The following ITGAV variants were observed in gnomAD, a reference collection of about 807,000 sequenced individuals.
ITGAV encodes integrin subunit alpha V.
ITGAV carries 76 observed loss-of-function variants against 143.8 expected under a neutral mutation model. The observed-to-expected ratio is 0.53, with a 90% CI of 0.44 to 0.64. The LOEUF (loss-of-function observed/expected upper bound fraction) is 0.64. Among genes scored for constraint, ITGAV ranks in the 30% least tolerant of loss-of-function variants. The probability of loss-of-function intolerance (pLI) is 0.00; values close to 1 mark genes in which losing one functional copy is unlikely to be tolerated. For missense variants in ITGAV, 1,193 were observed against 1,274.7 expected (o/e 0.94, Z 0.98); for synonymous variants, 453 against 446.7 (o/e 1.01, Z -0.18).
intron 10 of ITGAV, among the ~76,000 whole-genome samples, chr2:186,639,461 G>A (rs371904265): frequency 6.6e-6 from 1 of 152,118 alleles, no homozygotes; most frequent in African/African-American, 2.4e-5. Context: ...TAGGGTTGCT[G>A]CAGGGGTGGT....
Position 186,622,411 on chromosome 2 carries a change from C to T in ITGAV, c.389C>T (p.Ser130Leu), listed in dbSNP as rs770245126. Residue 130 changes from serine (S) to leucine (L), a missense_variant, in exon 3 of 30, where the codon TCG becomes TTG. Ser to Leu is a moderately radical substitution (Grantham distance 145). Transcript: ENST00000261023. ...SHQWFGASVRSKQDKILACAP... is the reference protein window; with the variant it reads ...SHQWFGASVRLKQDKILACAP... ...CAGTGGTTTGGAGCATCTGTGAGGT[C>T]GAAACAGGATAAAATTTTGGTGAGT... 5.6e-6 allele frequency: 9 copies of T among 1,612,238 alleles called. No individual in the cohort carries two copies. The highest frequency in any genetic ancestry group is 1.1e-5 in the South Asian group (1 of 90,998).
At chr2:186,633,287 G>A (rs1293905951) in intron 5 of ITGAV, 42 bp from the exon 6 acceptor site, 7 of 1,269,322 alleles carry the variant, frequency 5.5e-6, no homozygotes, top group Non-Finnish European at 7.9e-6. Flanking sequence ...AGAGATATTT[G>A]TTCTTTAAAT....
intron 1 of ITGAV, chr2:186,600,382 G>A (rs914211565): frequency 3.9e-6 from 6 of 1,535,264 alleles, no homozygotes; most frequent in Non-Finnish European, 4.4e-6. Context: ...TAATGTTGTG[G>A]TGAGTTCCTT....
rs1309958339 is a variant in ITGAV, at chr2:186,645,799, CTACTGAA to C, written c.1160-886_1160-880del. Among the ~76,000 whole-genome samples, 78 of 151,616 alleles carry C rather than the reference CTACTGAA, an allele frequency of 5.1e-4. 1 individual carries two copies. Among genetic ancestry groups the C allele is most frequent in the South Asian group, 4.0e-3 (19 of 4,796 alleles). On this transcript the variant is annotated intron_variant, in intron 12 of 29. Transcript: ENST00000261023. ...TGGCTAACACCGTGAAACCCCGTCT[CTACTGAA>C]AAAAAAACAAAAAAAATTAGCCGGG...
chr2:186,632,982 TA>T (rs1470414641), intron 5 of ITGAV, among the ~76,000 whole-genome samples: 3 of 83,648 alleles, frequency 3.6e-5, no homozygotes, highest in Non-Finnish European at 7.4e-5. Flanking sequence ...TAATATATAC[TA>T]GATAGATAGA....
intron 21 of ITGAV, among the ~76,000 whole-genome samples, chr2:186,665,859 T>G (rs1243782043): frequency 1.3e-5 from 2 of 152,238 alleles, no homozygotes; most frequent in African/African-American, 4.8e-5. Flanking sequence ...GGTCTAAATA[T>G]TCCATATTTC....
In ITGAV at chr2:186,663,848, T is replaced by G; in HGVS notation, c.1925+13T>G. The stretch of plus-strand genomic sequence containing the variant: ...TTTCTGTAGATAGGTAAGTTTTGCT[T>G]GAAATAATAATGTAGTAAGAAATTT... On this transcript the variant is annotated intron_variant, in intron 19 of 29. Coordinates refer to ENST00000261023, the MANE Select transcript of ITGAV (RefSeq NM_002210.5). 1 of 1,577,624 alleles carries G rather than the reference T, an allele frequency of 6.3e-7. No individual in the cohort carries two copies. Among genetic ancestry groups the G allele is most frequent in the Non-Finnish European group, 8.7e-7 (1 of 1,147,514 alleles).
chr2:186,676,957 A>T (rs1206956582), intron 29 of ITGAV, 22 bp downstream of exon 29: 1 of 1,608,438 alleles, frequency 6.2e-7, no homozygotes, highest in Non-Finnish European at 8.5e-7. Flanking sequence ...ACTTAGAAAG[A>T]AGGAGAGAGG....
intron 7 of ITGAV, among the ~76,000 whole-genome samples, chr2:186,636,655 T>C (rs1047754570): frequency 5.3e-5 from 8 of 152,250 alleles, no homozygotes; most frequent in Non-Finnish European, 1.2e-4. Flanking sequence ...GTTTTCTTCA[T>C]GATGTTAAAT....
chr2:186,596,896 G>A (rs528007242), intron 1 of ITGAV, among the ~76,000 whole-genome samples: 7 of 151,952 alleles, frequency 4.6e-5, no homozygotes, highest in African/African-American at 1.7e-4. Flanking sequence ...CTTTAATATC[G>A]AGATGGCATT....
intron 18 of ITGAV, among the ~76,000 whole-genome samples, chr2:186,661,598 G>GTTTTTTTTTTTTTT: frequency 7.7e-6 from 1 of 129,904 alleles, no homozygotes; most frequent in Non-Finnish European, 1.6e-5. Context: ...TTTTGTTTTT[G>GTTTTTTTTTTTTTT]TTTTTTTTTT....
intron 18 of ITGAV, 83 bp downstream of exon 18, chr2:186,659,258 C>A: frequency 2.1e-6 from 2 of 938,918 alleles, no homozygotes; most frequent in Admixed American, 3.2e-5. Context: ...AGGAGATTTC[C>A]TTTATCATAT....
intron 2 of ITGAV, among the ~76,000 whole-genome samples, chr2:186,612,919 ATC>A (rs2105671363): frequency 6.6e-6 from 1 of 152,312 alleles, no homozygotes; most frequent in South Asian, 2.1e-4. Context: ...TCCTGATATA[ATC>A]TGTTATCCCC....
intron 12 of ITGAV, among the ~76,000 whole-genome samples, chr2:186,646,170 G>A (rs1198567526): frequency 6.6e-6 from 1 of 152,102 alleles, no homozygotes; most frequent in Non-Finnish European, 1.5e-5. Context: ...AGTGTAAGTT[G>A]AGCAAGATCA....
intron 4 of ITGAV, 78 bp downstream of exon 4, chr2:186,625,665 G>A: frequency 1.8e-6 from 1 of 570,770 alleles, no homozygotes. Flanking sequence ...GTGTGTGGGT[G>A]TGTGTGTGTG....
rs74522476 is a variant in ITGAV, at chr2:186,658,890, A to G, written c.1720-148A>G. ...AGGATAATCTTCTTTTGGATATTCT[A>G]TTTCTACATAAGTATAATTTTCCAG... On this transcript the variant is annotated intron_variant, in intron 17 of 29. Coordinates refer to ENST00000261023, the MANE Select transcript of ITGAV (RefSeq NM_002210.5). 9.2e-6 allele frequency: 5 copies of G among 545,682 alleles called. No individual in the cohort carries two copies. In the South Asian group the frequency reaches 9.2e-5, roughly 10 times the overall value. 33.8% of individuals were successfully genotyped at this position (545,682 alleles called of 1,614,324 possible).
chr2:186,623,791 C>T (rs1474943892), intron 3 of ITGAV, among the ~76,000 whole-genome samples: 9 of 152,146 alleles, frequency 5.9e-5, no homozygotes. Flanking sequence ...TGAGCACTCA[C>T]AATCTGCCTC....
At chr2:186,612,665 C>A (rs1687247669) in intron 2 of ITGAV, among the ~76,000 whole-genome samples, 1 of 152,108 alleles carries the variant, frequency 6.6e-6, no homozygotes, top group Non-Finnish European at 1.5e-5. Context: ...TAGCTGTTTT[C>A]TAGCTTCTGC....
rs75923139 is a variant in ITGAV, at chr2:186,628,096, G to C, written c.523+2509G>C. Among the ~76,000 whole-genome samples the C allele has an allele frequency of 4.6e-3, 694 of 152,148 alleles. 19 individuals carry two copies. The highest frequency in any genetic ancestry group is 0.019 in the East Asian group (98 of 5,172). ...TATGGGTAATTCACCTAACCACTCT[G>C]GGCCTTTGTTTCATCATTGGTAAAA... On this transcript the variant is annotated intron_variant, in intron 4 of 29. Coordinates refer to ENST00000261023, the MANE Select transcript of ITGAV (RefSeq NM_002210.5).
Sources: gnomAD v4.1 joint callset for allele counts (sites outside exome capture counted in the v4.1 genomes callset) on GRCh38, gnomAD v4.1.1 for gene constraint, MANE v1.5 for transcripts, NCBI Gene and HGNC (gene_info 2026-07-23, HGNC 2026-07-21) for gene names.